Variants in TJP1 observed in about 807,000 individuals in gnomAD.
TJP1 encodes tight junction protein 1, also known as tight junction protein ZO-1.
A neutral mutation model predicts 194.2 loss-of-function variants in TJP1; 43 were observed. The observed-to-expected ratio is 0.22, with a 90% CI of 0.17 to 0.29. TJP1 has a LOEUF of 0.29. Ranked by LOEUF, TJP1 falls within the 10% of genes least tolerant of loss-of-function variation. The probability of loss-of-function intolerance (pLI) is 1.00; values close to 1 mark genes in which losing one functional copy is unlikely to be tolerated. For missense variants in TJP1, 1,971 were observed against 2,185.7 expected (o/e 0.90, Z 1.96); for synonymous variants, 801 against 779.0 (o/e 1.03, Z -0.47).
chr15:29,757,580 TG>T (rs1432067308), intron 8 of TJP1, among the ~76,000 whole-genome samples: 1 of 152,208 alleles, frequency 6.6e-6, no homozygotes, highest in African/African-American at 2.4e-5. Context: ...GATTCAACTT[TG>T]GGGTGGAAAT....
chr15:29,964,976 G>GA (rs1474273567), intron 1 of TJP1, among the ~76,000 whole-genome samples: 4 of 152,158 alleles, frequency 2.6e-5, no homozygotes, highest in Admixed American at 6.6e-5. Flanking sequence ...GAGCCAATCA[G>GA]AAAGACAGGA....
At chr15:29,949,500 C>CCTT (rs1567225142) in intron 2 of TJP1, among the ~76,000 whole-genome samples, 118 of 77,252 alleles carry the variant, frequency 1.5e-3, no homozygotes, top group Non-Finnish European at 1.9e-3. Context: ...TCCACCTCCA[C>CCTT]AACCACCACC....
chr15:29,719,165 C>CA (rs1566889368), intron 20 of TJP1, 27 bp from the exon 21 acceptor site: 1 of 1,543,588 alleles, frequency 6.5e-7, no homozygotes. Context: ...CATTTAAGGA[C>CA]AAAGTCTTGT....
intron 1 of TJP1, among the ~76,000 whole-genome samples, chr15:29,966,611 T>G (rs1436543263): frequency 6.6e-6 from 1 of 152,212 alleles, no homozygotes; most frequent in East Asian, 1.9e-4. Flanking sequence ...ATCCATTTAT[T>G]CAACAAATAT....
chr15:29,748,282 A>G (rs998100806), intron 8 of TJP1, among the ~76,000 whole-genome samples: 2 of 152,248 alleles, frequency 1.3e-5, no homozygotes, highest in African/African-American at 4.8e-5. Context: ...TGCATTTCAC[A>G]CTAACAATAC....
chr15:29,708,719 A>T lies in TJP1; in HGVS notation c.4690T>A (p.Ser1564Thr). 6.2e-7 allele frequency: 1 copy of T among 1,614,266 alleles called. No homozygotes were observed. The highest frequency in any genetic ancestry group is 8.5e-7 in the Non-Finnish European group (1 of 1,180,052). ...TTTGGAGAAGTGGGAGTTTTTGAAGACAAGTCAGGTTTATGTGCAGTTTCA... is the reference window on the plus strand; with the variant it reads ...TTTGGAGAAGTGGGAGTTTTTGAAGTCAAGTCAGGTTTATGTGCAGTTTCA... ...PSETAHKPDL[S>T]SKTPTSPKTL... The change falls in exon 25 of 28, where the codon TCT becomes ACT. Residue 1564 changes from serine (S) to threonine (T), a missense_variant. Physicochemically the swap from Ser to Thr is moderately conservative, Grantham distance 58. Around this residue, in one of 5 missense-constraint regions of TJP1, gnomAD observed 1,108 missense variants for 1,128.5 expected, o/e 0.98. Transcript: ENST00000614355.
intron 2 of TJP1, among the ~76,000 whole-genome samples, chr15:29,913,844 G>A (rs1487809257): frequency 6.6e-6 from 1 of 152,174 alleles, no homozygotes; most frequent in Admixed American, 6.5e-5. Context: ...GTCACTCTTA[G>A]CTGGAGATTT....
chr15:29,883,638 T>C (rs903658506), intron 2 of TJP1, among the ~76,000 whole-genome samples: 5 of 152,228 alleles, frequency 3.3e-5, no homozygotes, highest in South Asian at 2.1e-4. Context: ...TTTAATGGAA[T>C]GACCAGATGA....
Position 29,701,230 on chromosome 15 carries a change from G to C in TJP1, c.*365C>G, listed in dbSNP as rs999122180. ...CTAGGCCAGGGCCATAGTAAAGTTT[G>C]AAACAGTGTACTTTGGAAAGAACAG... On this transcript the variant is annotated 3_prime_UTR_variant, in exon 28 of 28. Coordinates refer to ENST00000614355, the MANE Select transcript of TJP1 (RefSeq NM_001330239.4). 14 of 195,460 alleles carry C rather than the reference G, an allele frequency of 7.2e-5. No homozygotes were observed. Among genetic ancestry groups the C allele is most frequent in the African/African-American group, 3.2e-4 (14 of 43,510 alleles). The allele number at this position is 195,460 out of a possible 1,614,324, so 12.1% of individuals were successfully genotyped here. A position where few individuals can be genotyped will look rare whatever the true frequency, so the allele number is the denominator to read the frequency against.
intron 8 of TJP1, among the ~76,000 whole-genome samples, chr15:29,755,300 T>TCC (rs955135519): frequency 1.4e-4 from 22 of 152,282 alleles, no homozygotes; most frequent in Non-Finnish European, 3.1e-4. Context: ...TCAGAAGGTA[T>TCC]CCCCATCAAG....
intron 27 of TJP1, among the ~76,000 whole-genome samples, chr15:29,703,013 T>G (rs550164784): frequency 6.6e-6 from 1 of 152,322 alleles, no homozygotes; most frequent in African/African-American, 2.4e-5. Flanking sequence ...AGTGGAAGCT[T>G]TGAAATTATC....
intron 2 of TJP1, among the ~76,000 whole-genome samples, chr15:29,926,690 A>G (rs1297941293): frequency 6.6e-6 from 1 of 151,872 alleles, no homozygotes; most frequent in Non-Finnish European, 1.5e-5. Flanking sequence ...ATAATACCTA[A>G]TCTGGTTCTA....
At chr15:29,835,266 G>A (rs960954397) in intron 2 of TJP1, among the ~76,000 whole-genome samples, 2 of 152,106 alleles carry the variant, frequency 1.3e-5, no homozygotes, top group East Asian at 3.8e-4. Flanking sequence ...TTTTAAATGT[G>A]GGTAATTTTA....
intron 17 of TJP1, 23 bp downstream of exon 17, chr15:29,726,758 A>G (rs772771308): frequency 4.4e-6 from 7 of 1,605,142 alleles, no homozygotes; most frequent in East Asian, 2.2e-5. Context: ...AAGCTGAAAG[A>G]AGGCCTTTAT....
At chr15:29,807,650 T>C (rs1013685716) in intron 1 of TJP1, among the ~76,000 whole-genome samples, 1 of 151,284 alleles carries the variant, frequency 6.6e-6, no homozygotes, top group African/African-American at 2.4e-5. Flanking sequence ...CAAAAAGACA[T>C]GAGGGGAGGG....
chr15:29,841,686 G>A (rs1470676689), intron 2 of TJP1, among the ~76,000 whole-genome samples: 4 of 151,674 alleles, frequency 2.6e-5, no homozygotes, highest in African/African-American at 4.8e-5. Flanking sequence ...ATCAAAATTG[G>A]AGCCCCTGTT....
intron 22 of TJP1, among the ~76,000 whole-genome samples, chr15:29,717,648 A>C (rs1465649225): frequency 6.6e-6 from 1 of 152,258 alleles, no homozygotes; most frequent in East Asian, 1.9e-4. Flanking sequence ...TAAATGATTT[A>C]GTTATCTTAA....
At chr15:29,784,031 C>T (rs145139764) in intron 2 of TJP1, among the ~76,000 whole-genome samples, 29 of 151,814 alleles carry the variant, frequency 1.9e-4, no homozygotes, top group Non-Finnish European at 3.2e-4. Context: ...AGGAACATTA[C>T]AAACACTAAA....
chr15:29,907,071 G>A (rs552687045), intron 2 of TJP1, among the ~76,000 whole-genome samples: 1 of 152,200 alleles, frequency 6.6e-6, no homozygotes, highest in Admixed American at 6.5e-5. Flanking sequence ...TATTATTCTT[G>A]CTACTTGTGT....
Sources: allele counts gnomAD v4.1 joint callset (sites outside exome capture counted in the v4.1 genomes callset), GRCh38; gene constraint gnomAD v4.1.1; regional missense constraint gnomAD v4.1.1; transcripts MANE v1.5; gene names NCBI Gene and HGNC (gene_info 2026-07-23, HGNC 2026-07-21).